MYH15: variants seen among roughly 807,000 people sequenced by gnomAD.
MYH15 encodes the protein myosin heavy chain 15, also known as myosin-15.
A neutral mutation model predicts 240.5 loss-of-function variants in MYH15; 227 were observed. The observed-to-expected ratio is 0.94, with a 90% confidence interval of 0.85 to 1.05. The LOEUF (loss-of-function observed/expected upper bound fraction) is 1.05, where lower values mean the gene tolerates loss of function less well. Ranked by LOEUF, MYH15 falls within the 50% of genes least tolerant of loss-of-function variation. The pLI, the probability that MYH15 is intolerant of heterozygous loss-of-function variation, is 0.00. For synonymous variants in MYH15, 785 were observed against 796.7 expected (o/e 0.99, Z 0.25); for missense variants, 2,217 against 2,247.5 (o/e 0.99, Z 0.27).
intron 25 of MYH15, among the ~76,000 whole-genome samples, chr3:108,437,230 A>G (rs986075021): frequency 8.4e-4 from 124 of 147,818 alleles, no homozygotes; most frequent in Non-Finnish European, 1.7e-3. Context: ...TCTCGTCATG[A>G]GTAAAAAGAA....
chr3:108,545,078 TA>T, the MYH15 span, among the ~76,000 whole-genome samples: 3 of 152,162 alleles, frequency 2.0e-5, no homozygotes, highest in Admixed American at 6.5e-5. Flanking sequence ...AGTCATTAAT[TA>T]GAAACTACTA....
intron 4 of MYH15, 97 bp downstream of exon 4, chr3:108,500,021 G>C: frequency 1.5e-6 from 2 of 1,342,638 alleles, no homozygotes; most frequent in South Asian, 3.0e-5. Flanking sequence ...AACTGTAAAG[G>C]CCATGCTCTG....
rs145741448 is a variant in MYH15, at chr3:108,436,072, T to C, written c.3221+1482A>G. On this transcript the variant is annotated intron_variant, in intron 25 of 40. Coordinates refer to ENST00000693548, the MANE Select transcript of MYH15 (RefSeq NM_014981.3). The stretch of plus-strand genomic sequence containing the variant: ...TTAATAGCTAATAATTCCAATACCA[T>C]TTAAGTCTCTTGTCATCGCTAATTT... Among the ~76,000 whole-genome samples, 695 of 152,310 alleles carry C rather than the reference T, an allele frequency of 4.6e-3. 3 individuals carry two copies. The highest frequency in any genetic ancestry group is 8.4e-3 in the Admixed American group (128 of 15,290).
intron 1 of MYH15, among the ~76,000 whole-genome samples, chr3:108,528,062 A>G (rs902706852): frequency 6.6e-6 from 1 of 152,148 alleles, no homozygotes; most frequent in Non-Finnish European, 1.5e-5. Flanking sequence ...AACAGTATTA[A>G]TCCGTTAATG....
intron 21 of MYH15, among the ~76,000 whole-genome samples, chr3:108,447,932 A>C (rs527568382): frequency 1.3e-5 from 2 of 152,262 alleles, no homozygotes; most frequent in East Asian, 3.8e-4. Flanking sequence ...TACAATACTA[A>C]AAAATATTAA....
chr3:108,536,088 A>G, the MYH15 span, among the ~76,000 whole-genome samples: 1 of 152,122 alleles, frequency 6.6e-6, no homozygotes, highest in East Asian at 1.9e-4. Context: ...GCCAACATGG[A>G]AAAACCCCAT....
intron 25 of MYH15, among the ~76,000 whole-genome samples, chr3:108,432,283 T>A (rs1331660348): frequency 6.6e-6 from 1 of 152,082 alleles, no homozygotes; most frequent in East Asian, 1.9e-4. Flanking sequence ...GGTCTCTAAG[T>A]CCTGAGCTCA....
chr3:108,480,565 G>A (rs894368461), intron 11 of MYH15, among the ~76,000 whole-genome samples: 1 of 152,206 alleles, frequency 6.6e-6, no homozygotes, highest in Non-Finnish European at 1.5e-5. Flanking sequence ...AGAGTAGGAA[G>A]TTTTAAAGTA....
chr3:108,469,416 C>G (rs1223298293), intron 14 of MYH15, among the ~76,000 whole-genome samples: 10 of 152,226 alleles, frequency 6.6e-5, no homozygotes, highest in Non-Finnish European at 1.3e-4. Context: ...CGTAATCCCC[C>G]AGCAAACCTT....
At chr3:108,387,718 T>C (rs1451700808) in intron 38 of MYH15, among the ~76,000 whole-genome samples, 1 of 152,186 alleles carries the variant, frequency 6.6e-6, no homozygotes, top group Non-Finnish European at 1.5e-5. Context: ...CCAAGGTGTT[T>C]ACCTACTTAG....
chr3:108,475,077 C>T (rs1040500279), intron 12 of MYH15, among the ~76,000 whole-genome samples: 10 of 152,090 alleles, frequency 6.6e-5, no homozygotes, highest in Non-Finnish European at 1.2e-4. Flanking sequence ...TTTTAAATAA[C>T]ACAGACACAT....
chr3:108,517,008 C>T (rs1372859550), intron 1 of MYH15, among the ~76,000 whole-genome samples: 1 of 152,166 alleles, frequency 6.6e-6, no homozygotes, highest in African/African-American at 2.4e-5. Flanking sequence ...GAAGAGAAAT[C>T]CTAATTGTGT....
chr3:108,472,151 T>C (rs1162565683), intron 12 of MYH15, among the ~76,000 whole-genome samples: 3 of 152,232 alleles, frequency 2.0e-5, no homozygotes, highest in African/African-American at 7.2e-5. Context: ...GAAAAGGTTC[T>C]AAAGTAACCT....
intron 40 of MYH15, 62 bp downstream of exon 40, chr3:108,383,533 A>G: frequency 6.5e-7 from 1 of 1,545,186 alleles, no homozygotes; most frequent in East Asian, 2.3e-5. Flanking sequence ...GGTCCATGCA[A>G]TGACATCAGC....
chr3:108,429,499 T>C (rs1050074686), intron 26 of MYH15, among the ~76,000 whole-genome samples: 3 of 151,992 alleles, frequency 2.0e-5, no homozygotes, highest in Admixed American at 2.0e-4. Context: ...TACAGTATCA[T>C]CAGAGGCAGG....
chr3:108,539,419 T>G, the MYH15 span, among the ~76,000 whole-genome samples: 4 of 152,146 alleles, frequency 2.6e-5, no homozygotes, highest in Non-Finnish European at 5.9e-5. Context: ...AAACATGTGT[T>G]GTGCACTTTT....
At chr3:108,460,145 TA>T (rs1467372613) in intron 17 of MYH15, among the ~76,000 whole-genome samples, 154 bp downstream of exon 17, 2 of 152,202 alleles carry the variant, frequency 1.3e-5, no homozygotes, top group African/African-American at 4.8e-5. Context: ...CAGTGTCCTC[TA>T]AAGCCCTTGA....
rs1446099713 is a variant in MYH15, at chr3:108,428,792, G to C, written c.3402C>G (p.Asp1134Glu). 1 of 1,613,910 alleles carries C rather than the reference G, an allele frequency of 6.2e-7. No homozygotes were observed. The highest frequency in any genetic ancestry group is 1.3e-5 in the African/African-American group (1 of 74,970). Reference sequence around the variant, plus strand: ...CCAGCCTCTCATTCAAGTCAGCCAGGTCTTGGGTGAGGTCAGCTCTCTCCC... The same window carrying C: ...CCAGCCTCTCATTCAAGTCAGCCAGCTCTTGGGTGAGGTCAGCTCTCTCCC... Reference protein sequence around the residue: ...MERERADLTQDLADLNERLEE... With the variant: ...MERERADLTQELADLNERLEE... The change falls in exon 27 of 41, where the codon GAC becomes GAG. Residue 1134 changes from aspartate to glutamate, a missense_variant. Asp to Glu is a conservative substitution (Grantham distance 45, BLOSUM62 2). Transcript: ENST00000693548.
chr3:108,388,987 T>C lies in MYH15; in HGVS notation c.5518A>G (p.Lys1840Glu), dbSNP rs1576202316. The change falls in exon 38 of 41, where the codon AAA becomes GAA. Residue 1840 changes from lysine (K) to glutamate (E), a missense_variant. By Grantham distance (56) the Lys-to-Glu change is moderately conservative (BLOSUM62 1). Coordinates refer to ENST00000693548, the MANE Select transcript of MYH15 (RefSeq NM_014981.3). The stretch of plus-strand genomic sequence containing the variant: ...TGGAGTACCTGATAGGTCAGCTCTT[T>C]GATGCATCGCTCAAGTCTGCGGGCT... ...RGARRLERCI[K>E]ELTYQAEEDK... The C allele has an allele frequency of 1.3e-5, 21 of 1,613,682 alleles. No individual in the cohort carries two copies. The highest frequency in any genetic ancestry group is 5.5e-5 in the South Asian group (5 of 90,992).
Sources: allele counts gnomAD v4.1 joint callset (sites outside exome capture counted in the v4.1 genomes callset), GRCh38; gene constraint gnomAD v4.1.1; transcripts MANE v1.5; gene names NCBI Gene and HGNC (gene_info 2026-07-23, HGNC 2026-07-21).